The following NBAS variants were observed in gnomAD, a reference collection of about 807,000 sequenced individuals.
NBAS encodes the protein NAG/BC035112 fusion.
NBAS carries 219 observed loss-of-function variants against 302.5 expected under a neutral mutation model. The ratio of observed to expected loss-of-function variants is 0.72; its 90% CI spans 0.65 to 0.81. NBAS has a LOEUF of 0.81. Ranked by LOEUF, NBAS falls within the 30% of genes least tolerant of loss-of-function variation. The pLI is 0.00. For missense variants in NBAS, 2,932 were observed against 2,841.6 expected (o/e 1.03, Z -0.72); for synonymous variants, 1,118 against 1,021.6 (o/e 1.09, Z -1.80).
chr2:15,390,020 C>T, intron 28 of NBAS, among the ~76,000 whole-genome samples: 1 of 152,160 alleles, frequency 6.6e-6, no homozygotes, highest in Non-Finnish European at 1.5e-5. Context: ...GAAGACATAG[C>T]AGAACTGGAA....
intron 47 of NBAS, among the ~76,000 whole-genome samples, chr2:15,221,334 T>A (rs575978344): frequency 2.8e-4 from 43 of 152,308 alleles, no homozygotes; most frequent in Non-Finnish European, 4.7e-4. Flanking sequence ...CTGGAGTCTG[T>A]GAAATCAAGA....
intron 1 of NBAS, 130 bp from the exon 2 acceptor site, chr2:15,558,764 T>G (rs554365215): frequency 2.8e-6 from 2 of 722,130 alleles, no homozygotes; most frequent in Non-Finnish European, 4.9e-6. Context: ...AAGCAGTGTC[T>G]TAAAACTACT....
At chr2:15,256,975 C>T (rs1039948592) in intron 44 of NBAS, among the ~76,000 whole-genome samples, 1 of 152,120 alleles carries the variant, frequency 6.6e-6, no homozygotes, top group African/African-American at 2.4e-5. Flanking sequence ...AGGATTTTTG[C>T]ATCTATGATC....
intron 38 of NBAS, among the ~76,000 whole-genome samples, chr2:15,324,358 G>A (rs1247658994): frequency 1.3e-5 from 2 of 152,080 alleles, no homozygotes; most frequent in Non-Finnish European, 2.9e-5. Flanking sequence ...TTCCTCTCCA[G>A]GTATTGGAAT....
intron 33 of NBAS, among the ~76,000 whole-genome samples, chr2:15,355,497 A>G (rs1011178176): frequency 2.0e-5 from 3 of 152,212 alleles, no homozygotes; most frequent in Admixed American, 6.5e-5. Flanking sequence ...CGGTTTGAAA[A>G]GCACTATGCT....
At chr2:15,301,931 C>T (rs1299532260) in intron 40 of NBAS, among the ~76,000 whole-genome samples, 1 of 152,144 alleles carries the variant, frequency 6.6e-6, no homozygotes, top group East Asian at 1.9e-4. Context: ...GCTGGGGCAA[C>T]GGGAGATCCT....
the NBAS span, among the ~76,000 whole-genome samples, chr2:14,908,090 G>T: frequency 1.3e-5 from 2 of 152,188 alleles, no homozygotes; most frequent in African/African-American, 4.8e-5. Context: ...GGGGCCAGGC[G>T]CAGTGGCTCA....
At position 15,327,849 on chromosome 2, in the gene NBAS, AG is replaced by A. The variant is rs1399237992; in HGVS notation, c.4482del (p.Tyr1495IlefsTer14). 6.2e-7 allele frequency: 1 copy of A among 1,613,648 alleles called. No individual in the cohort carries two copies. The highest frequency in any genetic ancestry group is 8.5e-7 in the Non-Finnish European group (1 of 1,179,758). On this transcript the variant is annotated frameshift_variant, in exon 38 of 52. Coordinates refer to ENST00000281513, the MANE Select transcript of NBAS (RefSeq NM_015909.4). LOFTEE classifies it high-confidence loss of function. Reference sequence around the variant, plus strand: ...AAGCTTTCCACTGGAACATGCTGATAGGTGTCATAGGTCCCTTCAGACTACA... The same window carrying A: ...AAGCTTTCCACTGGAACATGCTGATAGTGTCATAGGTCCCTTCAGACTACA... ...FVAESEGTYD[T>X]YQHVPVESFA...
chr2:15,152,133 A>G, the NBAS span, among the ~76,000 whole-genome samples: 9 of 152,348 alleles, frequency 5.9e-5, no homozygotes, highest in East Asian at 1.7e-3. Context: ...TACAGGCATG[A>G]GCCACCACAC....
At chr2:15,100,821 AG>A in the NBAS span, among the ~76,000 whole-genome samples, 14 of 152,350 alleles carry the variant, frequency 9.2e-5, no homozygotes, top group Non-Finnish European at 1.8e-4. Flanking sequence ...TTGTCTGTAT[AG>A]TTGGTGTGTC....
At chr2:14,865,195 G>C in the NBAS span, among the ~76,000 whole-genome samples, 30 of 152,100 alleles carry the variant, frequency 2.0e-4, no homozygotes, top group Non-Finnish European at 3.7e-4. Context: ...GGAGGTGGTG[G>C]GGTGAGTGGG....
At chr2:15,414,463 GAC>G (rs1241923901) in intron 25 of NBAS, among the ~76,000 whole-genome samples, 1 of 152,138 alleles carries the variant, frequency 6.6e-6, no homozygotes, top group Non-Finnish European at 1.5e-5. Flanking sequence ...TGGAAAGGGA[GAC>G]ACTATCTCTT....
intron 44 of NBAS, among the ~76,000 whole-genome samples, chr2:15,267,646 A>T (rs1488194285): frequency 6.6e-6 from 1 of 152,190 alleles, no homozygotes; most frequent in African/African-American, 2.4e-5. Context: ...GAAAAAGATC[A>T]CAAGATCTTC....
chr2:15,524,516 C>A (rs1416134624), intron 9 of NBAS, among the ~76,000 whole-genome samples: 1 of 152,176 alleles, frequency 6.6e-6, no homozygotes, highest in Non-Finnish European at 1.5e-5. Flanking sequence ...TGCAGACAGA[C>A]AAGAGAAGAT....
chr2:15,555,498 T>C (rs1664604458), intron 3 of NBAS, among the ~76,000 whole-genome samples: 1 of 152,132 alleles, frequency 6.6e-6, no homozygotes, highest in South Asian at 2.1e-4. Flanking sequence ...TACAGGTTTA[T>C]TATATTGTCA....
At chr2:15,098,510 T>C in the NBAS span, among the ~76,000 whole-genome samples, 1 of 120,662 alleles carries the variant, frequency 8.3e-6, no homozygotes, top group East Asian at 2.3e-4. Context: ...TTATATATTA[T>C]ATATTGTATA....
chr2:15,511,375 A>C, intron 9 of NBAS, 25 bp from the exon 10 acceptor site: 2 of 1,607,780 alleles, frequency 1.2e-6, no homozygotes, highest in Non-Finnish European at 1.7e-6. Context: ...ATTTTTAAAA[A>C]TCGATAAATT....
the NBAS span, among the ~76,000 whole-genome samples, chr2:14,794,121 C>A: frequency 1.3e-5 from 2 of 152,306 alleles, no homozygotes; most frequent in Non-Finnish European, 2.9e-5. Context: ...GGAAGCCAGA[C>A]AAAGGCATGA....
At chr2:14,862,838 C>T in the NBAS span, among the ~76,000 whole-genome samples, 72 of 152,240 alleles carry the variant, frequency 4.7e-4, no homozygotes, top group African/African-American at 1.5e-3. Flanking sequence ...CCTTGGTGGT[C>T]GGGCAGCCTC....
Sources: gnomAD v4.1 joint callset for allele counts (sites outside exome capture counted in the v4.1 genomes callset) on GRCh38, gnomAD v4.1.1 for gene constraint, MANE v1.5 for transcripts, NCBI Gene and HGNC (gene_info 2026-07-23, HGNC 2026-07-21) for gene names.